The following JAK3 variants were observed in gnomAD, a reference collection of about 807,000 sequenced individuals.
JAK3 encodes Janus kinase 3.
Under a neutral mutation model 120.8 loss-of-function variants are expected in JAK3, and 88 were observed. The observed-to-expected ratio is 0.73, with a 90% CI of 0.61 to 0.87. The LOEUF (loss-of-function observed/expected upper bound fraction) is 0.87. Ranked by LOEUF, JAK3 falls within the 40% of genes least tolerant of loss-of-function variation. The pLI, the probability that JAK3 is intolerant of heterozygous loss-of-function variation, is 0.00. For missense variants in JAK3, 1,254 were observed against 1,501.4 expected, an observed-to-expected ratio of 0.84 and a Z score of 2.72; for synonymous variants, 592 against 628.6, an observed-to-expected ratio of 0.94 and a Z score of 0.87.
chr19:17,830,781 C>T (rs1011223695), intron 21 of JAK3, among the ~76,000 whole-genome samples, 161 bp from the exon 22 acceptor site: 3 of 147,772 alleles, frequency 2.0e-5, no homozygotes, highest in Non-Finnish European at 4.5e-5. Context: ...GGTGGATTCT[C>T]CAGCCCTGGG....
intron 17 of JAK3, among the ~76,000 whole-genome samples, chr19:17,833,442 G>A (rs1168142489): frequency 1.3e-5 from 2 of 151,374 alleles, no homozygotes; most frequent in East Asian, 3.9e-4. Context: ...GCATGGTTGT[G>A]TGTGCCTGTA....
intron 12 of JAK3, among the ~76,000 whole-genome samples, chr19:17,837,479 G>A (rs1005385325): frequency 2.6e-5 from 4 of 152,108 alleles, no homozygotes; most frequent in Non-Finnish European, 1.5e-5. Context: ...GCAGTGGCGC[G>A]ATCTTGACTC....
intron 23 of JAK3, among the ~76,000 whole-genome samples, chr19:17,828,253 T>TG (rs2094207870): frequency 1.3e-5 from 2 of 151,744 alleles, no homozygotes; most frequent in Non-Finnish European, 1.5e-5. Context: ...TGTTTTGTTT[T>TG]GTTTTGTTTT....
rs1232660022 is a variant in JAK3, at chr19:17,841,365, C to T, written c.1142+24G>A. 7 of 1,540,622 alleles carry T rather than the reference C, an allele frequency of 4.5e-6. No homozygotes were observed. Among genetic ancestry groups the T allele is most frequent in the Admixed American group, 3.9e-5 (2 of 51,046 alleles). On this transcript the variant is annotated intron_variant, in intron 8 of 23. Coordinates refer to ENST00000458235, the MANE Select transcript of JAK3 (RefSeq NM_000215.4). The surrounding 1 kb of genome is among the most constrained non-coding windows in gnomAD (Gnocchi z 4.1). ...AGGGGCCCTGAGTGGCCACAGAGGCCGGGAATGGGGGACAGGTCCTTACGT... is the reference window on the plus strand; with the variant it reads ...AGGGGCCCTGAGTGGCCACAGAGGCTGGGAATGGGGGACAGGTCCTTACGT...
chr19:17,839,815 A>G, intron 9 of JAK3, 152 bp from the exon 10 acceptor site: 6 of 700,618 alleles, frequency 8.6e-6, no homozygotes, highest in Non-Finnish European at 1.2e-5. Flanking sequence ...ACCTTGGCTC[A>G]CTGCAACCTC....
Position 17,842,795 on chromosome 19 carries a change from G to A in JAK3, c.567-185C>T. On this transcript the variant is annotated intron_variant, in intron 5 of 23. Transcript: ENST00000458235. The surrounding 1 kb of genome is among the most constrained non-coding windows in gnomAD (Gnocchi z 6.4). ...ACCTCAGAGTAGGGGAGGGCCATTG[G>A]CGCCCACAGGTCGGACAGGGACCCC... 1.2e-6 allele frequency: 1 copy of A among 830,870 alleles called. No homozygotes were observed. The highest frequency in any genetic ancestry group is 1.9e-6 in the Non-Finnish European group (1 of 536,592). 51.5% of individuals were successfully genotyped at this position (830,870 alleles called of 1,614,324 possible).
rs1290133296 is a variant in JAK3, at chr19:17,841,787, GT to G, written c.862-26del. The G allele has an allele frequency of 6.2e-7, 1 of 1,600,274 alleles. No individual in the cohort carries two copies. Among genetic ancestry groups the G allele is most frequent in the Non-Finnish European group, 8.5e-7 (1 of 1,179,834 alleles). On this transcript the variant is annotated intron_variant, in intron 6 of 23. Transcript: ENST00000458235. The surrounding 1 kb of genome is among the most constrained non-coding windows in gnomAD (Gnocchi z 4.1). ...CCTGGGAAGGAGGGGGAGTACCGAA[GT>G]GGGGGCCCAGCTGGACCCCGCCAAA...
Position 17,843,885 on chromosome 19 carries a change from T to C in JAK3, c.200A>G (p.Tyr67Cys). The C allele has an allele frequency of 6.2e-7, 1 of 1,613,458 alleles. No individual in the cohort carries two copies. The highest frequency in any genetic ancestry group is 2.2e-5 in the East Asian group (1 of 44,852). Residue 67 changes from tyrosine to cysteine, a missense_variant, in exon 3 of 24, where the codon TAC becomes TGC. Physicochemically the swap from Tyr to Cys is radical, Grantham distance 194. This residue lies in a region of JAK3 where 138 missense variants were observed against 178.7 expected (regional missense o/e 0.77). Coordinates refer to ENST00000458235, the MANE Select transcript of JAK3 (RefSeq NM_000215.4). This position sits in a 1 kb window ranked among gnomAD's most constrained non-coding sequence, Gnocchi z 5.4. ...CGTGGCCAGAGCAAAGAGGGAGTGG[T>C]ACACAGGCAGGATGCCTACAGGGGA... is the stretch of plus-strand genomic sequence containing the variant. ...AAKASGILPV[Y>C]HSLFALATED...
intron 23 of JAK3, chr19:17,829,726 T>G (rs2094210218): frequency 2.7e-6 from 1 of 373,692 alleles, no homozygotes; most frequent in Non-Finnish European, 4.9e-6. Context: ...CACCCCAGCC[T>G]GGGCAACAGA....
Position 17,843,175 on chromosome 19 carries a change from G to T in JAK3, c.421-3C>A. On this transcript the variant is annotated splice_region_variant and splice_polypyrimidine_tract_variant and intron_variant, in intron 4 of 23. Transcript: ENST00000458235. The surrounding 1 kb of genome is among the most constrained non-coding windows in gnomAD (Gnocchi z 5.4). ...CCACTCACCAGGTCACTGCGGTGCT[G>T]GGGGGCCGCCACAGGGAGCATCAGC... 6.2e-7 allele frequency: 1 copy of T among 1,601,508 alleles called. No individual in the cohort carries two copies. The highest frequency in any genetic ancestry group is 1.3e-5 in the African/African-American group (1 of 74,872).
Position 17,836,056 on chromosome 19 carries a change from T to C in JAK3, c.1787-5A>G, listed in dbSNP as rs200243553. ...CAAATTCCTGCACCATGGTGCCTGG[T>C]TGGCAGCAGGGAGAGGCGGGGTTGG... On this transcript the variant is annotated splice_polypyrimidine_tract_variant and splice_region_variant and intron_variant, in intron 13 of 23. Transcript: ENST00000458235. 4 of 1,612,474 alleles carry C rather than the reference T, an allele frequency of 2.5e-6. No homozygotes were observed. The highest frequency in any genetic ancestry group is 2.2e-5 in the East Asian group (1 of 44,452).
chr19:17,844,514 G>A, intron 1 of JAK3, 84 bp from the exon 2 acceptor site: 2 of 1,279,824 alleles, frequency 1.6e-6, no homozygotes, highest in East Asian at 5.1e-5. Flanking sequence ...AAGGAGTGCT[G>A]GAGGCCGGGT....
intron 1 of JAK3, among the ~76,000 whole-genome samples, chr19:17,847,641 C>T (rs1026222545): frequency 2.6e-5 from 4 of 152,226 alleles, no homozygotes; most frequent in African/African-American, 9.6e-5. Flanking sequence ...ACTCCGCCCC[C>T]CAATCCCTCC....
At position 17,838,321 on chromosome 19, in the gene JAK3, G is replaced by A. The variant is rs1599874081; in HGVS notation, c.1511C>T (p.Ser504Phe). 6.2e-7 allele frequency: 1 copy of A among 1,614,114 alleles called. No homozygotes were observed. The highest frequency in any genetic ancestry group is 8.5e-7 in the Non-Finnish European group (1 of 1,180,010). Residue 504 changes from serine to phenylalanine, a missense_variant, in exon 11 of 24, where the codon TCC (serine) becomes TTC (phenylalanine). Ser to Phe is a radical substitution (Grantham distance 155). Around this residue, in one of 3 missense-constraint regions of JAK3, gnomAD observed 486 missense variants for 503.0 expected, o/e 0.97. Transcript: ENST00000458235. ...TGTCATCTGACTCAGCTGGTATTGG[G>A]ATTGGGGCTGAACCAAGGATGATGT... The part of the protein sequence containing the change: ...PPTSSLVQPQ[S>F]QYQLSQMTFH...
intron 10 of JAK3, 150 bp from the exon 11 acceptor site, chr19:17,838,540 G>A (rs928484987): frequency 1.1e-6 from 1 of 886,732 alleles, no homozygotes; most frequent in Admixed American, 2.0e-5. Context: ...TGTTGTTTTT[G>A]TTTTGTTGTT....
In JAK3 at chr19:17,831,120, G is replaced by A. The variant is rs1599866914; in HGVS notation, c.2978+108C>T. The A allele has an allele frequency of 4.9e-6, 6 of 1,222,166 alleles. No homozygotes were observed. In the South Asian group the frequency reaches 8.3e-5, roughly 17 times the overall value. 75.7% of individuals were successfully genotyped at this position (1,222,166 alleles called of 1,614,324 possible). ...GGGCCAAAGCTGCAGCGGAGGAAGGGCGGGGCTAAGGCTGGGGAGCAAAGC... is the reference window on the plus strand; with the variant it reads ...GGGCCAAAGCTGCAGCGGAGGAAGGACGGGGCTAAGGCTGGGGAGCAAAGC... On this transcript the variant is annotated intron_variant, in intron 21 of 23. Coordinates refer to ENST00000458235, the MANE Select transcript of JAK3 (RefSeq NM_000215.4). This position sits in a 1 kb window ranked among gnomAD's most constrained non-coding sequence, Gnocchi z 5.1.
chr19:17,840,973 A>G (rs1431221493), intron 8 of JAK3, among the ~76,000 whole-genome samples: 1 of 151,020 alleles, frequency 6.6e-6, no homozygotes, highest in Non-Finnish European at 1.5e-5. Context: ...CAACCACCAC[A>G]CCCAGCTATT....
Position 17,843,645 on chromosome 19 carries a change from C to A in JAK3, c.308+132G>T. 7.5e-7 allele frequency: 1 copy of A among 1,329,938 alleles called. No individual in the cohort carries two copies. Among genetic ancestry groups the A allele is most frequent in the Non-Finnish European group, 1.1e-6 (1 of 923,350 alleles). The allele number at this position is 1,329,938 out of a possible 1,614,324, so 82.4% of individuals were successfully genotyped here. On this transcript the variant is annotated intron_variant, in intron 3 of 23. Coordinates refer to ENST00000458235, the MANE Select transcript of JAK3 (RefSeq NM_000215.4). This position sits in a 1 kb window ranked among gnomAD's most constrained non-coding sequence, Gnocchi z 5.4. ...GTGTGACCTTGGGCAAGTGACCCAC[C>A]CTCTCTGGTCTGTTTCCTCATCTGA...
chr19:17,830,370 C>A, intron 22 of JAK3, 133 bp downstream of exon 22: 2 of 913,116 alleles, frequency 2.2e-6, no homozygotes, highest in Non-Finnish European at 3.5e-6. Context: ...GAAGCGTCCT[C>A]CCCACTGGGG....
Sources: allele counts gnomAD v4.1 joint callset (sites outside exome capture counted in the v4.1 genomes callset), GRCh38; gene constraint gnomAD v4.1.1; regional missense constraint gnomAD v4.1.1; non-coding constraint Gnocchi (gnomAD v3.1); transcripts MANE v1.5; gene names NCBI Gene and HGNC (gene_info 2026-07-23, HGNC 2026-07-21).